Variants in PRG2 observed in about 807,000 individuals in gnomAD.
The protein encoded by PRG2 is proteoglycan 2, pro eosinophil major basic protein, also known as bone marrow proteoglycan.
PRG2 carries 23 observed loss-of-function variants against 24.7 expected under a neutral mutation model. The ratio of observed to expected loss-of-function variants is 0.93; its 90% confidence interval spans 0.67 to 1.32. The LOEUF is 1.32. Ranked by LOEUF, PRG2 falls within the 40% of genes most tolerant of loss-of-function variation. The probability of loss-of-function intolerance (pLI) is 0.00; values close to 1 mark genes in which losing one functional copy is unlikely to be tolerated. For synonymous variants in PRG2, 104 were observed against 99.8 expected (o/e 1.04, Z -0.25); for missense variants, 271 against 280.9 (o/e 0.96, Z 0.25).
chr11:57,389,010 C>T lies in PRG2; in HGVS notation c.366G>A (p.Trp122Ter), dbSNP rs752762324. The change falls in exon 3 of 6, where the codon TGG becomes TGA. Residue 122 changes from tryptophan (W) to a stop codon, truncating the protein, a stop_gained and splice_region_variant. Coordinates refer to ENST00000311862, the MANE Select transcript of PRG2 (RefSeq NM_002728.6). LOFTEE classifies it high-confidence loss of function. Reference sequence around the variant, plus strand: ...TCAGCCTCAGCCATAGGCCACTCACCCAAGCTTGACTAAACGTCTGAAGAC... The same window carrying T: ...TCAGCCTCAGCCATAGGCCACTCACTCAAGCTTGACTAAACGTCTGAAGAC... The part of the protein sequence containing the change: ...VRSLQTFSQA[W>*]FTCRRCYRGN... 30 of 1,612,748 alleles carry T rather than the reference C, an allele frequency of 1.9e-5. No homozygotes were observed. The Middle Eastern group carries it at 5.0e-4, about 27-fold the overall frequency.
chr11:57,390,115 G>A (rs982726254), intron 1 of PRG2, among the ~76,000 whole-genome samples, 159 bp from the exon 2 acceptor site: 2 of 152,158 alleles, frequency 1.3e-5, no homozygotes, highest in African/African-American at 4.8e-5. Context: ...CCCAGCTCCT[G>A]ATGCTCCAGG....
chr11:57,389,853 A>G, intron 2 of PRG2, 34 bp downstream of exon 2: 1 of 1,557,990 alleles, frequency 6.4e-7, no homozygotes, highest in Non-Finnish European at 8.8e-7. Flanking sequence ...GGGAAAAAAC[A>G]GAGAAAGAAA....
In PRG2 at chr11:57,387,785, G is replaced by A. The variant is rs145790323; in HGVS notation, c.579C>T (p.Arg193=). The change falls in exon 5 of 6, where the codon CGC becomes CGT. Residue 193 remains arginine (R), a synonymous_variant. Coordinates refer to ENST00000311862, the MANE Select transcript of PRG2 (RefSeq NM_002728.6). ...AYWAAHQPWS[R]GGHCVALCTR... is the part of the protein sequence containing the mutation. ...TACACAGGGCCACGCAGTGACCACC[G>A]CGGGACCAGGGCTGGTGAGCAGCCC... 245 of 1,592,138 alleles carry A rather than the reference G, an allele frequency of 1.5e-4. 1 individual carries two copies. In the African/African-American group the frequency reaches 2.6e-3, roughly 17 times the overall value.
Position 57,389,205 on chromosome 11 carries a change from C to T in PRG2, c.171G>A (p.Glu57=). ...CTTCACTTCCAGAGCCCCACTCCTCCTCTTCCTCCAGCTCCCTGCAAGGGG... is the reference window on the plus strand; with the variant it reads ...CTTCACTTCCAGAGCCCCACTCCTCTTCTTCCTCCAGCTCCCTGCAAGGGG... ...EETPCRELEE[E]EEWGSGSEDA... is the part of the protein sequence containing the mutation. Residue 57 remains glutamate (E), a synonymous_variant, in exon 3 of 6, where the codon GAG becomes GAA. Coordinates refer to ENST00000311862, the MANE Select transcript of PRG2 (RefSeq NM_002728.6). 1 of 1,614,200 alleles carries T rather than the reference C, an allele frequency of 6.2e-7. No homozygotes were observed. The highest frequency in any genetic ancestry group is 8.5e-7 in the Non-Finnish European group (1 of 1,180,036).
chr11:57,388,803 G>C lies in PRG2; in HGVS notation c.367-95C>G, dbSNP rs545586197. 5.2e-6 allele frequency: 8 copies of C among 1,528,128 alleles called. No individual in the cohort carries two copies. The East Asian group carries it at 1.6e-4, about 31-fold the overall frequency. The allele number at this position is 1,528,128 out of a possible 1,614,324, so 94.7% of individuals were successfully genotyped here. On this transcript the variant is annotated intron_variant, in intron 3 of 5. Coordinates refer to ENST00000311862, the MANE Select transcript of PRG2 (RefSeq NM_002728.6). ...CCACAATTCATTCCCTCCCTCCCCTGCCACAACCATTTGAAGGTTGGAGAC... is the reference window on the plus strand; with the variant it reads ...CCACAATTCATTCCCTCCCTCCCCTCCCACAACCATTTGAAGGTTGGAGAC...
intron 2 of PRG2, 36 bp downstream of exon 2, chr11:57,389,851 A>C (rs769929622): frequency 6.4e-7 from 1 of 1,553,902 alleles, no homozygotes; most frequent in Non-Finnish European, 8.8e-7. Context: ...AAGGGAAAAA[A>C]CAGAGAAAGA....
chr11:57,387,246 A>C lies in PRG2; in HGVS notation c.*229T>G. ...AACTCCACCCTCCATCCTCCTCCTC[A>C]AGGAGTAGTAGCTTCTGACACTTCT... On this transcript the variant is annotated 3_prime_UTR_variant, in exon 6 of 6. Coordinates refer to ENST00000311862, the MANE Select transcript of PRG2 (RefSeq NM_002728.6). 1 of 486,866 alleles carries C rather than the reference A, an allele frequency of 2.1e-6. No individual in the cohort carries two copies. Among genetic ancestry groups the C allele is most frequent in the Non-Finnish European group, 3.6e-6 (1 of 275,634 alleles). 30.2% of individuals were successfully genotyped at this position (486,866 alleles called of 1,614,324 possible). A position where few individuals can be genotyped will look rare whatever the true frequency, so the allele number is the denominator to read the frequency against.
chr11:57,387,889 A>AGGGATGGGGCAGAGGGAAGGC (rs1263058087), intron 4 of PRG2, 24 bp from the exon 5 acceptor site: 1 of 1,522,652 alleles, frequency 6.6e-7, no homozygotes, highest in Admixed American at 2.1e-5. Flanking sequence ...GAGGGGAAGA[A>AGGGATGGGGCAGAGGGAAGGC]GGGATGGGGC....
intron 2 of PRG2, 84 bp from the exon 3 acceptor site, chr11:57,389,401 T>C: frequency 7.0e-7 from 1 of 1,438,548 alleles, no homozygotes; most frequent in Non-Finnish European, 9.4e-7. Flanking sequence ...CACCTTGCCC[T>C]GGGCATCAGA....
intron 2 of PRG2, 118 bp from the exon 3 acceptor site, chr11:57,389,435 G>A: frequency 2.7e-6 from 3 of 1,120,276 alleles, no homozygotes; most frequent in Admixed American, 2.7e-5. Flanking sequence ...CCTGGGAAGG[G>A]GAACCTGGAA....
chr11:57,389,154 A>C lies in PRG2; in HGVS notation c.222T>G (p.Val74=), dbSNP rs547732529. ...CCATATCTGGCACTGAGATAGACTCAACAGCCCCATCTTTCTTGGAGGCAT... is the reference window on the plus strand; with the variant it reads ...CCATATCTGGCACTGAGATAGACTCCACAGCCCCATCTTTCTTGGAGGCAT... ...SEDASKKDGA[V]ESISVPDMVD... The change falls in exon 3 of 6, where the codon GTT becomes GTG. Residue 74 remains valine, a synonymous_variant. Coordinates refer to ENST00000311862, the MANE Select transcript of PRG2 (RefSeq NM_002728.6). 14 of 1,614,006 alleles carry C rather than the reference A, an allele frequency of 8.7e-6. No homozygotes were observed. Among genetic ancestry groups the C allele is most frequent in the Admixed American group, 6.7e-5 (4 of 59,994 alleles).
At chr11:57,389,748 G>A (rs1355614387) in intron 2 of PRG2, 139 bp downstream of exon 2, 12 of 748,948 alleles carry the variant, frequency 1.6e-5, no homozygotes, top group Non-Finnish European at 2.1e-5. Context: ...CCTGGCCATA[G>A]AGTCCCCATC....
In PRG2 at chr11:57,388,907, C is replaced by T. The variant is rs1471870880; in HGVS notation, c.366+103G>A. 4.7e-6 allele frequency: 7 copies of T among 1,484,640 alleles called. No homozygotes were observed. The East Asian group carries it at 1.4e-4, about 29-fold the overall frequency. The allele number at this position is 1,484,640 out of a possible 1,614,324, so 92.0% of individuals were successfully genotyped here. On this transcript the variant is annotated intron_variant, in intron 3 of 5. Coordinates refer to ENST00000311862, the MANE Select transcript of PRG2 (RefSeq NM_002728.6). ...CTGAGGCTCAGGTTCTACTGACACC[C>T]CCAGGGCCCTCAATGGGAAAAAGAG...
At position 57,389,420 on chromosome 11, in the gene PRG2, C is replaced by T; in HGVS notation, c.59-103G>A. On this transcript the variant is annotated intron_variant, in intron 2 of 5. Coordinates refer to ENST00000311862, the MANE Select transcript of PRG2 (RefSeq NM_002728.6). The stretch of plus-strand genomic sequence containing the variant: ...TTGCCCTGGGCATCAGAGTGCTCAA[C>T]TCTGCCTGGGAAGGGGAACCTGGAA... 2 of 1,295,708 alleles carry T rather than the reference C, an allele frequency of 1.5e-6. 1 individual carries two copies. Among genetic ancestry groups the T allele is most frequent in the South Asian group, 3.0e-5 (2 of 67,204 alleles). The allele number at this position is 1,295,708 out of a possible 1,614,324, so 80.3% of individuals were successfully genotyped here.
In PRG2 at chr11:57,390,035, C is replaced by T. The variant is rs144962228; in HGVS notation, c.-12-79G>A. 2.0e-5 allele frequency: 24 copies of T among 1,217,032 alleles called. No homozygotes were observed. The East Asian group carries it at 3.9e-4, about 20-fold the overall frequency. 75.4% of individuals were successfully genotyped at this position (1,217,032 alleles called of 1,614,324 possible). ...CATCACAATCACACCATTAGGGGAC[C>T]GTGGGAGTGAGGTGGAGAAAAAGAA... is the stretch of plus-strand genomic sequence containing the variant. On this transcript the variant is annotated intron_variant, in intron 1 of 5. Coordinates refer to ENST00000311862, the MANE Select transcript of PRG2 (RefSeq NM_002728.6).
chr11:57,388,839 C>G, intron 3 of PRG2, 131 bp from the exon 4 acceptor site: 1 of 1,453,080 alleles, frequency 6.9e-7, no homozygotes, highest in South Asian at 1.3e-5. Flanking sequence ...CAAAATGCAA[C>G]TTCTGTTTGT....
chr11:57,387,378 C>A lies in PRG2; in HGVS notation c.*97G>T. On this transcript the variant is annotated 3_prime_UTR_variant, in exon 6 of 6. Transcript: ENST00000311862. ...AAAATAAATCCATTTCAGTAAAACC[C>A]ATTTTATTGCAGGGAGGTGGAGGGA... 9.4e-7 allele frequency: 1 copy of A among 1,063,920 alleles called. No homozygotes were observed. Among genetic ancestry groups the A allele is most frequent in the South Asian group, 1.4e-5 (1 of 69,444 alleles). 65.9% of individuals were successfully genotyped at this position (1,063,920 alleles called of 1,614,324 possible).
At chr11:57,388,363 G>C (rs1263181829) in intron 4 of PRG2, among the ~76,000 whole-genome samples, 1 of 152,004 alleles carries the variant, frequency 6.6e-6, no homozygotes, top group Non-Finnish European at 1.5e-5. Context: ...TAGATAGTGA[G>C]AGATGGAAAG....
rs972533214 is a variant in PRG2 at position 57,387,339 on chromosome 11, C to A, written c.*136G>T. ...CAATGAGGGCTAAGCAGAGTGGATC[C>A]GCGATCAGAGGAGAAAATAAATCCA... On this transcript the variant is annotated 3_prime_UTR_variant, in exon 6 of 6. Coordinates refer to ENST00000311862, the MANE Select transcript of PRG2 (RefSeq NM_002728.6). 1 of 751,122 alleles carries A rather than the reference C, an allele frequency of 1.3e-6. No individual in the cohort carries two copies. The allele number at this position is 751,122 out of a possible 1,614,324, so 46.5% of individuals were successfully genotyped here.
Sources: allele counts gnomAD v4.1 joint callset (sites outside exome capture counted in the v4.1 genomes callset), GRCh38; gene constraint gnomAD v4.1.1; transcripts MANE v1.5; gene names NCBI Gene and HGNC (gene_info 2026-07-23, HGNC 2026-07-21).